Variants in WDR17 observed in about 807,000 individuals in gnomAD.
The protein encoded by WDR17 is WD repeat domain 17, also known as WD repeat-containing protein 17.
A neutral mutation model predicts 161.7 loss-of-function variants in WDR17; 143 were observed. The observed-to-expected ratio is 0.88, with a 90% CI of 0.77 to 1.02. The LOEUF (loss-of-function observed/expected upper bound fraction) is 1.02, where lower values mean the gene tolerates loss of function less well. Ranked by LOEUF, WDR17 falls within the 50% of genes least tolerant of loss-of-function variation. WDR17 has a pLI of 0.00. For missense variants in WDR17, 1,469 were observed against 1,520.9 expected (o/e 0.97, Z 0.57); for synonymous variants, 517 against 515.6 (o/e 1.00, Z -0.04).
rs916247238 is a variant in WDR17 at position 176,168,634 on chromosome 4, TCTC to T, written c.2991-34_2991-32del. On this transcript the variant is annotated intron_variant, in intron 22 of 28. Transcript: ENST00000508596. ...AGTTATGAATGTTATTTTTAAATCT[TCTC>T]CTCAATGAAGTGTCCCCTTTTGTTA... The T allele has an allele frequency of 5.0e-6, 8 of 1,610,292 alleles. No individual in the cohort carries two copies. In the Admixed American group the frequency reaches 6.7e-5, roughly 14 times the overall value.
chr4:176,094,307 G>C (rs534253835), intron 1 of WDR17, among the ~76,000 whole-genome samples: 1 of 152,122 alleles, frequency 6.6e-6, no homozygotes, highest in Non-Finnish European at 1.5e-5. Flanking sequence ...CATACATTTT[G>C]TATCTTCTAT....
chr4:176,138,007 T>A (rs55788556), intron 9 of WDR17, among the ~76,000 whole-genome samples: 3,801 of 151,792 alleles, frequency 0.025, 149 homozygotes, highest in African/African-American at 0.086. Context: ...AGGTGGATTA[T>A]ATAGTTTCTT....
chr4:176,070,445 T>C (rs1733072652), intron 1 of WDR17, among the ~76,000 whole-genome samples: 1 of 152,226 alleles, frequency 6.6e-6, no homozygotes, highest in Non-Finnish European at 1.5e-5. Context: ...TGTCAATATA[T>C]TGAATGCATA....
chr4:176,174,727 G>T lies in WDR17; in HGVS notation c.3449+9G>T. ...CTTTATGAGTACACAAGGTAAAAAA[G>T]GTTTTTTCCTCCATCATGACATTAG... On this transcript the variant is annotated intron_variant, in intron 26 of 28. Transcript: ENST00000508596. 2 of 1,578,578 alleles carry T rather than the reference G, an allele frequency of 1.3e-6. No individual in the cohort carries two copies. Among genetic ancestry groups the T allele is most frequent in the Non-Finnish European group, 1.7e-6 (2 of 1,156,662 alleles).
At chr4:176,145,833 GTAGCGTGATT>G (rs1204545687) in intron 11 of WDR17, among the ~76,000 whole-genome samples, 152 bp from the exon 12 acceptor site, 2 of 152,208 alleles carry the variant, frequency 1.3e-5, no homozygotes, top group African/African-American at 4.8e-5. Flanking sequence ...TAAATGAGCA[GTAGCGTGATT>G]ATACACGATT....
At chr4:176,123,870 A>C (rs766828098) in intron 4 of WDR17, among the ~76,000 whole-genome samples, 8 of 152,154 alleles carry the variant, frequency 5.3e-5, no homozygotes, top group Non-Finnish European at 1.0e-4. Flanking sequence ...CCAACTCTCT[A>C]ATCAAGCCTT....
At chr4:176,172,247 T>A in intron 23 of WDR17, 128 bp from the exon 24 acceptor site, 1 of 776,046 alleles carries the variant, frequency 1.3e-6, no homozygotes, top group South Asian at 1.9e-5. Context: ...ATAATTTCAT[T>A]TACATCTATT....
intron 4 of WDR17, among the ~76,000 whole-genome samples, chr4:176,122,506 G>C (rs1029313627): frequency 6.6e-6 from 1 of 152,176 alleles, no homozygotes; most frequent in Non-Finnish European, 1.5e-5. Flanking sequence ...GTCCTGATAA[G>C]TATTTTCCTT....
At chr4:176,083,971 T>G (rs567115639) in intron 1 of WDR17, among the ~76,000 whole-genome samples, 1 of 152,282 alleles carries the variant, frequency 6.6e-6, no homozygotes, top group South Asian at 2.1e-4. Flanking sequence ...TGATCTGAAT[T>G]TATCTTCCCT....
chr4:176,085,530 A>G (rs1433136771), intron 1 of WDR17, among the ~76,000 whole-genome samples: 3 of 152,116 alleles, frequency 2.0e-5, no homozygotes, highest in Non-Finnish European at 4.4e-5. Flanking sequence ...AACTTTGGTA[A>G]CTTGTATTTC....
chr4:176,078,396 TC>T (rs1391641779), intron 1 of WDR17, among the ~76,000 whole-genome samples: 1 of 152,096 alleles, frequency 6.6e-6, no homozygotes, highest in East Asian at 1.9e-4. Flanking sequence ...GAGAGGATCA[TC>T]AAATACAAAT....
intron 1 of WDR17, among the ~76,000 whole-genome samples, chr4:176,105,501 G>C (rs1264956976): frequency 2.0e-5 from 3 of 151,958 alleles, no homozygotes; most frequent in African/African-American, 4.8e-5. Flanking sequence ...TTAAAAAGTA[G>C]TTATCATACA....
chr4:176,070,220 T>G (rs1053333607), intron 1 of WDR17, among the ~76,000 whole-genome samples: 1 of 152,204 alleles, frequency 6.6e-6, no homozygotes, highest in Non-Finnish European at 1.5e-5. Flanking sequence ...TTAACATTTA[T>G]ATATCAATAG....
At position 176,161,022 on chromosome 4, in the gene WDR17, T is replaced by A; in HGVS notation, c.2750+20T>A. ...TAATGAGTGAGTGATTTATTTGCTC[T>A]GGGTCCATATGTTTTATGGTTGTCT... On this transcript the variant is annotated intron_variant, in intron 20 of 28. Transcript: ENST00000508596. 6.3e-7 allele frequency: 1 copy of A among 1,582,350 alleles called. No individual in the cohort carries two copies.
intron 17 of WDR17, among the ~76,000 whole-genome samples, chr4:176,155,481 G>A (rs1162878724): frequency 1.3e-5 from 2 of 149,734 alleles, no homozygotes; most frequent in African/African-American, 2.4e-5. Flanking sequence ...GAACCGAGGG[G>A]TACTTGGAAT....
In WDR17 at chr4:176,168,795, A is replaced by G; in HGVS notation, c.3102+12A>G. On this transcript the variant is annotated intron_variant, in intron 23 of 28. Coordinates refer to ENST00000508596, the MANE Select transcript of WDR17 (RefSeq NM_181265.4). ...ACCTTCATGATAAGGTATGCTGATG[A>G]TGTTAAATATTCTGGTTTGGAATGC... The G allele has an allele frequency of 6.2e-7, 1 of 1,603,972 alleles. No individual in the cohort carries two copies. Among genetic ancestry groups the G allele is most frequent in the Non-Finnish European group, 8.5e-7 (1 of 1,176,154 alleles).
chr4:176,074,193 TGG>T lies in WDR17; in HGVS notation c.-7+8115_-7+8116del, dbSNP rs564447162. 5.9e-3 allele frequency among the ~76,000 whole-genome samples: 897 copies of T among 151,650 alleles called. 10 individuals carry two copies. The highest frequency in any genetic ancestry group is 0.02 in the African/African-American group (835 of 41,462). ...TCCTTGCCCATGCCTATGTCCTGAA[TGG>T]TATTGCCTAAGTTTTCTTCTAGGGT... On this transcript the variant is annotated intron_variant, in intron 1 of 28. Coordinates refer to ENST00000508596, the MANE Select transcript of WDR17 (RefSeq NM_181265.4).
chr4:176,075,444 A>G (rs1733837188), intron 1 of WDR17, among the ~76,000 whole-genome samples: 1 of 152,192 alleles, frequency 6.6e-6, no homozygotes, highest in Non-Finnish European at 1.5e-5. Flanking sequence ...TGAACATTTT[A>G]GGTTATCTGT....
chr4:176,091,800 C>A (rs912360111), intron 1 of WDR17, among the ~76,000 whole-genome samples: 1 of 151,996 alleles, frequency 6.6e-6, no homozygotes, highest in Non-Finnish European at 1.5e-5. Context: ...ACAACTGATA[C>A]TACAGAAATT....
Sources: allele counts gnomAD v4.1 joint callset (sites outside exome capture counted in the v4.1 genomes callset), GRCh38; gene constraint gnomAD v4.1.1; transcripts MANE v1.5; gene names NCBI Gene and HGNC (gene_info 2026-07-23, HGNC 2026-07-21).